DOCK1: variants seen among roughly 807,000 people sequenced by gnomAD.
DOCK1 encodes dedicator of cytokinesis protein 1.
A neutral mutation model predicts 262.7 loss-of-function variants in DOCK1; 138 were observed. The ratio of observed to expected loss-of-function variants is 0.53; its 90% confidence interval spans 0.46 to 0.61. The LOEUF is 0.61. Among genes scored for constraint, DOCK1 ranks in the 20% least tolerant of loss-of-function variants. The pLI is 0.00. For missense variants in DOCK1, 1,908 were observed against 2,370.7 expected (o/e 0.80, Z 4.05); for synonymous variants, 866 against 867.4 (o/e 1.00, Z 0.03).
intron 38 of DOCK1, among the ~76,000 whole-genome samples, chr10:127,401,091 A>G (rs1348882617): frequency 6.6e-6 from 1 of 151,866 alleles, no homozygotes; most frequent in East Asian, 1.9e-4. Flanking sequence ...GCCCACCTAG[A>G]AGCAACTCAG....
Position 127,061,651 on chromosome 10 carries a change from T to G in DOCK1, c.2337-17T>G, listed in dbSNP as rs763598895. ...GTGTTTCTGCCAGGCCCCCACAGTT[T>G]GTGTGTTTCTTTGCAGACTGTATGA... On this transcript the variant is annotated splice_polypyrimidine_tract_variant and intron_variant, in intron 22 of 51. Coordinates refer to ENST00000623213, the MANE Select transcript of DOCK1 (RefSeq NM_001290223.2). 5.1e-6 allele frequency: 8 copies of G among 1,581,784 alleles called. No individual in the cohort carries two copies. The highest frequency in any genetic ancestry group is 6.9e-6 in the Non-Finnish European group (8 of 1,162,812).
intron 16 of DOCK1, among the ~76,000 whole-genome samples, chr10:127,028,157 A>C (rs2043006001): frequency 6.6e-6 from 1 of 152,100 alleles, no homozygotes; most frequent in South Asian, 2.1e-4. Context: ...GGGTTCAGTT[A>C]CAAGGGCATC....
intron 27 of DOCK1, among the ~76,000 whole-genome samples, chr10:127,225,180 G>T (rs567395658): frequency 1.3e-5 from 2 of 152,216 alleles, no homozygotes; most frequent in Non-Finnish European, 2.9e-5. Context: ...CAAGAATTGT[G>T]ATACATTACT....
Position 127,376,109 on chromosome 10 carries a change from G to A in DOCK1, c.3675+1895G>A, listed in dbSNP as rs546589221. Among the ~76,000 whole-genome samples, 16 of 151,878 alleles carry A rather than the reference G, an allele frequency of 1.1e-4. 1 individual carries two copies. In the South Asian group the frequency reaches 2.5e-3, roughly 24 times the overall value. On this transcript the variant is annotated intron_variant, in intron 35 of 51. Transcript: ENST00000623213. Reference sequence around the variant, plus strand: ...AGGCATTAGAACCAGACTCTGATACGGCAGAGGTTTTGAAATCATCAGACC... The same window carrying A: ...AGGCATTAGAACCAGACTCTGATACAGCAGAGGTTTTGAAATCATCAGACC...
chr10:127,227,079 T>C (rs1423671230), intron 27 of DOCK1, among the ~76,000 whole-genome samples: 1 of 152,120 alleles, frequency 6.6e-6, no homozygotes, highest in African/African-American at 2.4e-5. Flanking sequence ...AACGAATGAG[T>C]ACACGATCCC....
chr10:127,194,965 C>G (rs1286658083), intron 27 of DOCK1, among the ~76,000 whole-genome samples: 3 of 152,324 alleles, frequency 2.0e-5, no homozygotes, highest in Middle Eastern at 3.4e-3. Flanking sequence ...CACAGACCAA[C>G]AGCAGGAGAG....
intron 48 of DOCK1, among the ~76,000 whole-genome samples, chr10:127,436,870 C>G (rs2069722088): frequency 6.6e-6 from 1 of 151,826 alleles, no homozygotes; most frequent in Non-Finnish European, 1.5e-5. Context: ...GAGGCAAAAT[C>G]CAAATAAGGT....
chr10:127,415,393 C>T (rs945641970), intron 44 of DOCK1, among the ~76,000 whole-genome samples, 155 bp downstream of exon 44: 1 of 152,166 alleles, frequency 6.6e-6, no homozygotes, highest in South Asian at 2.1e-4. Context: ...TTCTTGAGAG[C>T]ATCGATATCT....
chr10:127,168,636 T>A (rs2054292139), intron 27 of DOCK1, among the ~76,000 whole-genome samples: 1 of 152,186 alleles, frequency 6.6e-6, no homozygotes, highest in Non-Finnish European at 1.5e-5. Flanking sequence ...TGATCTCTAT[T>A]AAGTGGGTAG....
At chr10:127,170,720 G>A (rs1442652610) in intron 27 of DOCK1, among the ~76,000 whole-genome samples, 1 of 152,024 alleles carries the variant, frequency 6.6e-6, no homozygotes, top group East Asian at 1.9e-4. Context: ...TAATTGATTG[G>A]GTTTTTTAAA....
intron 25 of DOCK1, among the ~76,000 whole-genome samples, chr10:127,122,662 T>G (rs1191133737): frequency 6.6e-6 from 1 of 151,152 alleles, no homozygotes; most frequent in African/African-American, 2.4e-5. Context: ...TCTTGGGGGC[T>G]TAGTGAATGA....
At chr10:127,058,233 G>A (rs2045297168) in intron 22 of DOCK1, among the ~76,000 whole-genome samples, 1 of 152,076 alleles carries the variant, frequency 6.6e-6, no homozygotes, top group Non-Finnish European at 1.5e-5. Context: ...CATTAATCAT[G>A]CCTTATAGAT....
chr10:127,388,561 T>C (rs1446235412), intron 38 of DOCK1, among the ~76,000 whole-genome samples: 2 of 152,224 alleles, frequency 1.3e-5, no homozygotes, highest in African/African-American at 4.8e-5. Flanking sequence ...CTGGATGGCC[T>C]GCACTAGAGT....
intron 29 of DOCK1, among the ~76,000 whole-genome samples, chr10:127,317,117 T>C (rs2062318553): frequency 6.6e-6 from 1 of 152,228 alleles, no homozygotes; most frequent in African/African-American, 2.4e-5. Context: ...GGACCCACAG[T>C]ATGTATTTCA....
intron 33 of DOCK1, among the ~76,000 whole-genome samples, chr10:127,373,430 A>G (rs536304652): frequency 1.3e-5 from 2 of 152,118 alleles, no homozygotes; most frequent in East Asian, 1.9e-4. Flanking sequence ...GCTATTTTAG[A>G]TGTTACGTGT....
intron 23 of DOCK1, among the ~76,000 whole-genome samples, chr10:127,077,122 C>T (rs779163935): frequency 1.3e-5 from 2 of 152,080 alleles, no homozygotes; most frequent in Non-Finnish European, 2.9e-5. Context: ...GGGCCGAGCG[C>T]GGTGGCTTAT....
At chr10:127,154,140 AG>A (rs2052792058) in intron 27 of DOCK1, among the ~76,000 whole-genome samples, 1 of 152,248 alleles carries the variant, frequency 6.6e-6, no homozygotes, top group African/African-American at 2.4e-5. Context: ...TAAATTTAGA[AG>A]TGAACATAAG....
intron 29 of DOCK1, among the ~76,000 whole-genome samples, chr10:127,299,978 C>T (rs186007626): frequency 1.3e-3 from 197 of 152,270 alleles, no homozygotes; most frequent in African/African-American, 4.5e-3. Flanking sequence ...TCAGAGCATC[C>T]GGCCATTGAG....
intron 31 of DOCK1, among the ~76,000 whole-genome samples, chr10:127,352,592 T>G (rs1023320932): frequency 8.6e-5 from 13 of 151,920 alleles, no homozygotes; most frequent in Non-Finnish European, 1.8e-4. Flanking sequence ...AGCCTAGCAG[T>G]GGCCAGTTTT....
Sources: gnomAD v4.1 joint callset for allele counts (sites outside exome capture counted in the v4.1 genomes callset) on GRCh38, gnomAD v4.1.1 for gene constraint, MANE v1.5 for transcripts, NCBI Gene and HGNC (gene_info 2026-07-23, HGNC 2026-07-21) for gene names.